ASIC2: variants seen among roughly 807,000 people sequenced by gnomAD.
ASIC2 encodes acid sensing ion channel subunit 2.
A neutral mutation model predicts 57.3 loss-of-function variants in ASIC2; 25 were observed. The observed-to-expected ratio is 0.44, with a 90% CI of 0.32 to 0.61. ASIC2 has a LOEUF of 0.61. ASIC2 is among the 20% of genes least tolerant of loss of function. The pLI is 0.06. For missense variants in ASIC2, 641 were observed against 738.1 expected (o/e 0.87, Z 1.52); for synonymous variants, 319 against 307.5 (o/e 1.04, Z -0.39).
At chr17:34,016,453 A>AATGCAACT (rs1295863774) in intron 1 of ASIC2, among the ~76,000 whole-genome samples, 1 of 151,510 alleles carries the variant, frequency 6.6e-6, no homozygotes, top group African/African-American at 2.4e-5. Flanking sequence ...AAAAAGAAAC[A>AATGCAACT]ATGCAACTGC....
At chr17:33,513,720 C>T (rs1333241749) in intron 1 of ASIC2, among the ~76,000 whole-genome samples, 1 of 152,230 alleles carries the variant, frequency 6.6e-6, no homozygotes. Context: ...CTTCCTGCCA[C>T]TCAGGCTGTG....
chr17:33,150,790 C>T lies in ASIC2; in HGVS notation c.709-38723G>A, dbSNP rs1484742172. On this transcript the variant is annotated intron_variant, in intron 1 of 9. Coordinates refer to ENST00000225823, the MANE Select transcript of ASIC2 (RefSeq NM_183377.2). ...GCGTGAACCCGGGAGGCGGAGCTTG[C>T]AGTGAGCCGAGATCCCGCCACTGCA... Among the ~76,000 whole-genome samples the T allele has an allele frequency of 1.3e-4, 9 of 67,610 alleles. No individual in the cohort carries two copies. The East Asian group carries it at 4.5e-3, about 34-fold the overall frequency. The allele number at this position is 67,610 out of a possible 152,430, so 44.4% of individuals were successfully genotyped here. A position where few individuals can be genotyped will look rare whatever the true frequency, so the allele number is the denominator to read the frequency against.
At chr17:33,019,778 C>T (rs1392214322) in intron 7 of ASIC2, among the ~76,000 whole-genome samples, 2 of 149,840 alleles carry the variant, frequency 1.3e-5, no homozygotes, top group Non-Finnish European at 3.0e-5. Context: ...AGAGCTCAGG[C>T]CCTTCTTGCT....
intron 1 of ASIC2, among the ~76,000 whole-genome samples, chr17:34,064,983 G>T (rs886612199): frequency 6.6e-6 from 1 of 152,178 alleles, no homozygotes; most frequent in Non-Finnish European, 1.5e-5. Context: ...ATTCTTTAAA[G>T]AACTAAAAGT....
chr17:33,745,408 A>G (rs1050814941), intron 1 of ASIC2, among the ~76,000 whole-genome samples: 1 of 50,256 alleles, frequency 2.0e-5, no homozygotes, highest in African/African-American at 5.1e-5. Context: ...AAATTTACTG[A>G]AAAAAAAAAA....
Position 34,146,382 on chromosome 17 carries a change from G to T in ASIC2, c.555+9596C>A, listed in dbSNP as rs1017040551. Among the ~76,000 whole-genome samples, 15 of 152,298 alleles carry T rather than the reference G, an allele frequency of 9.8e-5. No individual in the cohort carries two copies. In the East Asian group the frequency reaches 1.2e-3, roughly 12 times the overall value. On this transcript the variant is annotated intron_variant, in intron 1 of 9. Coordinates refer to the ASIC2 transcript ENST00000359872. ...TAAAACTAATCAATACACAGGTTGGGTTCCCTATCAGAGCCTGAGATGGCA... is the reference window on the plus strand; with the variant it reads ...TAAAACTAATCAATACACAGGTTGGTTTCCCTATCAGAGCCTGAGATGGCA...
chr17:33,643,510 A>G (rs1906647478), intron 1 of ASIC2, among the ~76,000 whole-genome samples: 1 of 152,206 alleles, frequency 6.6e-6, no homozygotes, highest in African/African-American at 2.4e-5. Flanking sequence ...GAACTCTGTG[A>G]CTAAAGAGTT....
At chr17:33,036,710 T>C (rs1438891814) in intron 3 of ASIC2, among the ~76,000 whole-genome samples, 1 of 152,164 alleles carries the variant, frequency 6.6e-6, no homozygotes, top group East Asian at 1.9e-4. Flanking sequence ...GCCCAGCCTT[T>C]CTTTTGTTTT....
chr17:34,038,752 C>T, intron 1 of ASIC2: 3 of 1,610,376 alleles, frequency 1.9e-6, no homozygotes, highest in Non-Finnish European at 2.5e-6. Context: ...TTAACGTTAA[C>T]GTTTCATTTT....
In ASIC2 at chr17:33,291,571, C is replaced by T. The variant is rs749897116; in HGVS notation, c.545G>A (p.Arg182His). 8.7e-6 allele frequency: 14 copies of T among 1,609,990 alleles called. No homozygotes were observed. Among genetic ancestry groups the T allele is most frequent in the Non-Finnish European group, 1.2e-5 (14 of 1,179,088 alleles). ...GTCCGCCAGCTTGCGGAACCACTGG[C>T]GGCGCGGCTCGTCGCCCCGCAGCAG... Reference protein sequence around the residue: ...SELLRGDEPRRQWFRKLADFR... With the variant: ...SELLRGDEPRHQWFRKLADFR... Residue 182 changes from arginine (R) to histidine (H), a missense_variant, in exon 1 of 10, where the codon CGC becomes CAC. Transcript: ENST00000225823.
chr17:33,336,947 T>C lies in ASIC2; in HGVS notation c.556-224880A>G, dbSNP rs551170416. ...GGCCTTGGTTCTTGAGGCAGAAATA[T>C]TCCTAGAGCAGAGAAGGGGGATTCA... On this transcript the variant is annotated intron_variant, in intron 1 of 9. Coordinates refer to the ASIC2 transcript ENST00000359872. Among the ~76,000 whole-genome samples the C allele has an allele frequency of 2.6e-5, 4 of 152,242 alleles. No individual in the cohort carries two copies. The South Asian group carries it at 8.3e-4, about 32-fold the overall frequency.
chr17:33,329,479 C>T lies in ASIC2; in HGVS notation c.556-217412G>A, dbSNP rs1907216910. On this transcript the variant is annotated intron_variant, in intron 1 of 9. Transcript: ENST00000359872. ...AGACTCTGTGTTACAGCTGCTCAGACCTCCTTTTTCACAAATGAGAAAATT... is the reference window on the plus strand; with the variant it reads ...AGACTCTGTGTTACAGCTGCTCAGATCTCCTTTTTCACAAATGAGAAAATT... 2.0e-5 allele frequency among the ~76,000 whole-genome samples: 3 copies of T among 152,136 alleles called. No homozygotes were observed. The South Asian group carries it at 6.2e-4, about 32-fold the overall frequency.
intron 1 of ASIC2, among the ~76,000 whole-genome samples, chr17:33,365,824 G>T (rs1327220081): frequency 6.6e-6 from 1 of 152,138 alleles, no homozygotes; most frequent in Non-Finnish European, 1.5e-5. Context: ...GGTCAGAATA[G>T]GAAGAAAAAA....
At chr17:33,469,263 C>T (rs1912963745) in intron 1 of ASIC2, among the ~76,000 whole-genome samples, 1 of 152,156 alleles carries the variant, frequency 6.6e-6, no homozygotes, top group Admixed American at 6.5e-5. Flanking sequence ...TGGACAAAGC[C>T]CAGTGTGTGG....
chr17:33,297,652 GTC>G (rs1314513945), upstream of ASIC2, among the ~76,000 whole-genome samples: 3 of 151,880 alleles, frequency 2.0e-5, no homozygotes, highest in Admixed American at 2.0e-4. Context: ...GCAAAACCCT[GTC>G]TCTACAAAAA....
At chr17:33,360,004 A>G (rs2141930230) in intron 1 of ASIC2, among the ~76,000 whole-genome samples, 1 of 152,276 alleles carries the variant, frequency 6.6e-6, no homozygotes, top group South Asian at 2.1e-4. Flanking sequence ...TGTTACATAA[A>G]GCTGAACTTA....
At chr17:33,232,288 C>T (rs1332397114) in intron 1 of ASIC2, among the ~76,000 whole-genome samples, 2 of 152,166 alleles carry the variant, frequency 1.3e-5, no homozygotes, top group Non-Finnish European at 2.9e-5. Flanking sequence ...TCACCAGGAA[C>T]TGAATTGGCC....
At chr17:33,128,008 C>G (rs939562162) in intron 1 of ASIC2, among the ~76,000 whole-genome samples, 1 of 152,250 alleles carries the variant, frequency 6.6e-6, no homozygotes, top group Non-Finnish European at 1.5e-5. Flanking sequence ...CACCATCCTA[C>G]TTCATAACTC....
intron 1 of ASIC2, among the ~76,000 whole-genome samples, chr17:34,141,208 T>A (rs9911464): frequency 2.0e-5 from 3 of 151,590 alleles, no homozygotes; most frequent in Non-Finnish European, 4.4e-5. Flanking sequence ...ACAGAAACAT[T>A]GTAAGAATAA....
Sources: allele counts gnomAD v4.1 joint callset (sites outside exome capture counted in the v4.1 genomes callset), GRCh38; gene constraint gnomAD v4.1.1; transcripts MANE v1.5; gene names NCBI Gene and HGNC (gene_info 2026-07-23, HGNC 2026-07-21).